The following ACBD6 variants were observed in gnomAD, a reference collection of about 807,000 sequenced individuals.
ACBD6 encodes the protein acyl-CoA-binding domain-containing protein 6.
Under a neutral mutation model 37.2 loss-of-function variants are expected in ACBD6, and 28 were observed. The ratio of observed to expected loss-of-function variants is 0.75; its 90% confidence interval spans 0.56 to 1.03. The LOEUF is 1.03. Ranked by LOEUF, ACBD6 falls within the 50% of genes least tolerant of loss-of-function variation. The pLI is 0.00. For missense variants in ACBD6, 340 were observed against 337.4 expected (o/e 1.01, Z -0.06); for synonymous variants, 113 against 126.8 (o/e 0.89, Z 0.73).
intron 4 of ACBD6, among the ~76,000 whole-genome samples, chr1:180,427,652 G>A (rs556992413): frequency 6.6e-6 from 1 of 152,278 alleles, no homozygotes; most frequent in South Asian, 2.1e-4. Flanking sequence ...GCCAGGCACA[G>A]CGGCTCACGC....
chr1:180,360,211 G>A (rs1652796004), intron 6 of ACBD6, among the ~76,000 whole-genome samples: 1 of 152,158 alleles, frequency 6.6e-6, no homozygotes, highest in Admixed American at 6.5e-5. Flanking sequence ...CTATCTTCAT[G>A]TTATTTCCCC....
chr1:180,426,346 T>C (rs1193749807), intron 4 of ACBD6, among the ~76,000 whole-genome samples: 1 of 152,194 alleles, frequency 6.6e-6, no homozygotes, highest in Non-Finnish European at 1.5e-5. Flanking sequence ...ATTTCTCAAT[T>C]TATGTGCAAA....
chr1:180,318,163 G>GA (rs1650891756), intron 6 of ACBD6, among the ~76,000 whole-genome samples: 1 of 31,402 alleles, frequency 3.2e-5, no homozygotes, highest in Non-Finnish European at 5.5e-5. Flanking sequence ...TTCCATCTCC[G>GA]CCCCCCCCCC....
chr1:180,358,167 G>A (rs1006476150), intron 6 of ACBD6, among the ~76,000 whole-genome samples: 2 of 152,158 alleles, frequency 1.3e-5, no homozygotes, highest in East Asian at 3.8e-4. Context: ...GGTGGCTCAC[G>A]CCTGTAATCC....
chr1:180,364,408 C>G (rs1652963189), intron 6 of ACBD6, among the ~76,000 whole-genome samples: 1 of 152,174 alleles, frequency 6.6e-6, no homozygotes, highest in Admixed American at 6.5e-5. Flanking sequence ...GTTGGTGAAA[C>G]TAGTCTGGAG....
At chr1:180,449,162 A>G (rs1649596763) in intron 3 of ACBD6, among the ~76,000 whole-genome samples, 1 of 152,112 alleles carries the variant, frequency 6.6e-6, no homozygotes, top group African/African-American at 2.4e-5. Context: ...TGAAAGAGAG[A>G]TTTAGAGACT....
intron 7 of ACBD6, among the ~76,000 whole-genome samples, chr1:180,301,684 G>C (rs1650136487): frequency 6.6e-6 from 1 of 152,046 alleles, no homozygotes; most frequent in Non-Finnish European, 1.5e-5. Context: ...GGCCCCCCTT[G>C]TGTTATTCAA....
intron 7 of ACBD6, among the ~76,000 whole-genome samples, chr1:180,308,811 G>A (rs1650483512): frequency 6.6e-6 from 1 of 152,136 alleles, no homozygotes; most frequent in South Asian, 2.1e-4. Flanking sequence ...TAGATACTGG[G>A]TTCTTTATTG....
At chr1:180,383,841 G>C (rs957439921) in intron 6 of ACBD6, among the ~76,000 whole-genome samples, 7 of 152,236 alleles carry the variant, frequency 4.6e-5, no homozygotes, top group African/African-American at 7.2e-5. Context: ...CAGTGGAACA[G>C]AATAGGGAAT....
At chr1:180,405,313 A>G (rs1647568207) in intron 5 of ACBD6, among the ~76,000 whole-genome samples, 1 of 152,206 alleles carries the variant, frequency 6.6e-6, no homozygotes, top group Non-Finnish European at 1.5e-5. Flanking sequence ...CAAAGTAGAA[A>G]AGGAAACGAA....
In ACBD6 at chr1:180,288,364, T is replaced by A; in HGVS notation, c.848A>T (p.Ter283LeuextTer17). 3 of 1,613,728 alleles carry A rather than the reference T, an allele frequency of 1.9e-6. No individual in the cohort carries two copies. The highest frequency in any genetic ancestry group is 2.5e-6 in the Non-Finnish European group (3 of 1,179,966). ...GACTGCAGTTTTCCAGTCTTTTGAT[T>A]AAGCCTTGCCAGTTGTGTGCCGCTG... Reference protein sequence around the residue: ...VLQRHTTGKA* With the variant: ...VLQRHTTGKAL The change falls in exon 8 of 8, where the codon TAA becomes TTA. Residue 283 changes from the stop codon to leucine (L), a stop_lost. Transcript: ENST00000367595.
chr1:180,483,426 T>C (rs567806710), intron 3 of ACBD6, among the ~76,000 whole-genome samples: 8 of 152,164 alleles, frequency 5.3e-5, no homozygotes, highest in Non-Finnish European at 1.0e-4. Context: ...TAATATTTAC[T>C]ATAATATTTA....
chr1:180,426,818 AC>A (rs1648599734), intron 4 of ACBD6, among the ~76,000 whole-genome samples: 2 of 152,356 alleles, frequency 1.3e-5, no homozygotes, highest in South Asian at 4.1e-4. Context: ...TGAGATAAGT[AC>A]TATAATTATC....
In ACBD6 at chr1:180,397,568, T is replaced by C. The variant is rs138259072; in HGVS notation, c.611A>G (p.His204Arg). 4.3e-6 allele frequency: 7 copies of C among 1,614,014 alleles called. No homozygotes were observed. The highest frequency in any genetic ancestry group is 5.9e-6 in the Non-Finnish European group (7 of 1,179,992). Residue 204 changes from histidine to arginine, a missense_variant, in exon 6 of 8, where the codon CAT becomes CGT. Coordinates refer to ENST00000367595, the MANE Select transcript of ACBD6 (RefSeq NM_032360.4). ...ALLHWACDRG[H>R]KELVTVLLQH... ...CAGCAACACTGTGACTAGTTCCTTA[T>C]GTCCTCGATCACAGGCCCAGTGAAG...
At chr1:180,368,806 A>G (rs1653148051) in intron 6 of ACBD6, among the ~76,000 whole-genome samples, 1 of 151,986 alleles carries the variant, frequency 6.6e-6, no homozygotes, top group African/African-American at 2.4e-5. Context: ...ATAACAACAT[A>G]CTGTCATAAA....
chr1:180,344,146 T>TA (rs1485436455), intron 6 of ACBD6, among the ~76,000 whole-genome samples: 2 of 151,964 alleles, frequency 1.3e-5, no homozygotes, highest in Admixed American at 6.6e-5. Flanking sequence ...ACTGAACAGT[T>TA]AAAAAACAGC....
At chr1:180,358,820 T>C (rs1163119672) in intron 6 of ACBD6, among the ~76,000 whole-genome samples, 2 of 152,206 alleles carry the variant, frequency 1.3e-5, no homozygotes, top group Non-Finnish European at 2.9e-5. Context: ...ACCAGGCCCA[T>C]GTCAGACCAG....
downstream of ACBD6, among the ~76,000 whole-genome samples, chr1:180,285,076 C>T (rs1304013948): frequency 6.6e-6 from 1 of 152,036 alleles, no homozygotes; most frequent in Non-Finnish European, 1.5e-5. Flanking sequence ...GTCAAGTCTG[C>T]AGTGAGCTAT....
chr1:180,280,637 C>T (rs2794965), intron 9 of ACBD6, among the ~76,000 whole-genome samples: 17,851 of 152,068 alleles, frequency 0.12, 1,605 homozygotes, highest in African/African-American at 0.25. Flanking sequence ...TCATCTCCCG[C>T]GTTAAGTGCT....
Sources: gnomAD v4.1 joint callset for allele counts (sites outside exome capture counted in the v4.1 genomes callset) on GRCh38, gnomAD v4.1.1 for gene constraint, MANE v1.5 for transcripts, NCBI Gene and HGNC (gene_info 2026-07-23, HGNC 2026-07-21) for gene names.